Variants in LGSN observed in about 807,000 individuals in gnomAD.
LGSN encodes the protein lengsin.
Under a neutral mutation model 19.5 loss-of-function variants are expected in LGSN, and 21 were observed. The observed-to-expected ratio is 1.07, with a 90% CI of 0.76 to 1.55. LGSN has a LOEUF of 1.55. Ranked by LOEUF, LGSN falls within the 40% of genes most tolerant of loss-of-function variation. The pLI is 0.00. For missense variants in LGSN, 673 were observed against 608.5 expected, an observed-to-expected ratio of 1.11 and a Z score of -1.12; for synonymous variants, 257 against 215.6, an observed-to-expected ratio of 1.19 and a Z score of -1.68.
At chr6:63,569,069 C>T in the LGSN span, among the ~76,000 whole-genome samples, 8 of 152,148 alleles carry the variant, frequency 5.3e-5, no homozygotes, top group Admixed American at 5.2e-4. Flanking sequence ...CTTGTAGCCC[C>T]AACCAATCTG....
the LGSN span, among the ~76,000 whole-genome samples, chr6:63,424,363 C>T: frequency 1.1e-4 from 16 of 152,088 alleles, no homozygotes; most frequent in East Asian, 3.1e-3. Context: ...AATCTCCAGG[C>T]CTAGATATTT....
chr6:63,289,138 C>T (rs1390237723), intron 2 of LGSN, among the ~76,000 whole-genome samples: 1 of 152,166 alleles, frequency 6.6e-6, no homozygotes, highest in East Asian at 1.9e-4. Flanking sequence ...GCAGTATAGG[C>T]ATCTCATAGT....
chr6:63,327,641 T>G, the LGSN span, among the ~76,000 whole-genome samples: 2 of 152,054 alleles, frequency 1.3e-5, no homozygotes, highest in Admixed American at 6.5e-5. Flanking sequence ...CAGATATGGG[T>G]TGAAGATCCA....
chr6:63,501,406 CT>C, the LGSN span, among the ~76,000 whole-genome samples: 1 of 151,900 alleles, frequency 6.6e-6, no homozygotes, highest in African/African-American at 2.4e-5. Flanking sequence ...GTCACTACCC[CT>C]TGCCTTTTCT....
chr6:63,335,609 C>T, the LGSN span, among the ~76,000 whole-genome samples: 9 of 152,272 alleles, frequency 5.9e-5, no homozygotes, highest in East Asian at 1.7e-3. Flanking sequence ...ATCAAAATCA[C>T]ATGAGATGTC....
chr6:63,333,175 T>C, the LGSN span, among the ~76,000 whole-genome samples: 3 of 152,062 alleles, frequency 2.0e-5, no homozygotes, highest in Non-Finnish European at 4.4e-5. Context: ...TTCTCTTATC[T>C]GGCCCCACCT....
chr6:63,393,419 T>C, the LGSN span, among the ~76,000 whole-genome samples: 1 of 151,700 alleles, frequency 6.6e-6, no homozygotes, highest in African/African-American at 2.4e-5. Flanking sequence ...CCTCAAGTGA[T>C]CTACCCACCT....
the LGSN span, among the ~76,000 whole-genome samples, chr6:63,399,794 C>G: frequency 6.6e-6 from 1 of 152,076 alleles, no homozygotes; most frequent in African/African-American, 2.4e-5. Flanking sequence ...TTCCTGAGCT[C>G]AAGGAATCCT....
At chr6:63,369,263 T>C in the LGSN span, among the ~76,000 whole-genome samples, 1 of 152,236 alleles carries the variant, frequency 6.6e-6, no homozygotes, top group Admixed American at 6.5e-5. Flanking sequence ...ATGTCCATTA[T>C]GACTAATAAA....
At chr6:63,344,880 A>G in the LGSN span, among the ~76,000 whole-genome samples, 3 of 152,220 alleles carry the variant, frequency 2.0e-5, no homozygotes, top group African/African-American at 7.2e-5. Context: ...AGCACACATA[A>G]TACTGTAAAC....
chr6:63,532,235 T>C, the LGSN span, among the ~76,000 whole-genome samples: 2 of 152,374 alleles, frequency 1.3e-5, no homozygotes, highest in African/African-American at 4.8e-5. Context: ...AACTTTCTTC[T>C]AGTGTCACAA....
At chr6:63,380,951 C>T in the LGSN span, among the ~76,000 whole-genome samples, 22 of 152,142 alleles carry the variant, frequency 1.4e-4, no homozygotes, top group African/African-American at 5.3e-4. Flanking sequence ...AATCCCAGCA[C>T]TTTGAGAGGC....
At chr6:63,550,792 T>C in the LGSN span, among the ~76,000 whole-genome samples, 1 of 152,032 alleles carries the variant, frequency 6.6e-6, no homozygotes, top group Non-Finnish European at 1.5e-5. Flanking sequence ...GCCCGTCTAA[T>C]TTTTGTGTTT....
the LGSN span, among the ~76,000 whole-genome samples, chr6:63,430,106 G>A: frequency 2.0e-5 from 3 of 152,260 alleles, no homozygotes; most frequent in East Asian, 3.9e-4. Context: ...AACAAGAGAT[G>A]TGAAAAAAGA....
chr6:63,346,174 C>A, the LGSN span, among the ~76,000 whole-genome samples: 5 of 151,664 alleles, frequency 3.3e-5, no homozygotes, highest in African/African-American at 1.2e-4. Context: ...CTCCCAATCC[C>A]TTGAAATTTC....
the LGSN span, chr6:63,392,469 C>G: frequency 6.6e-6 from 1 of 152,390 alleles, no homozygotes; most frequent in Admixed American, 6.5e-5. Context: ...CACCCTACTC[C>G]TGGCTGTGGG....
the LGSN span, among the ~76,000 whole-genome samples, chr6:63,450,613 CAT>C: frequency 1.3e-5 from 2 of 148,666 alleles, no homozygotes; most frequent in East Asian, 3.9e-4. Context: ...TATCTATGAA[CAT>C]AAAGGTAAAT....
chr6:63,521,435 T>C, the LGSN span, among the ~76,000 whole-genome samples: 1 of 152,202 alleles, frequency 6.6e-6, no homozygotes, highest in Non-Finnish European at 1.5e-5. Flanking sequence ...AAAGAGGCAG[T>C]ATCCTTCCAT....
the LGSN span, among the ~76,000 whole-genome samples, chr6:63,541,331 G>A: frequency 1.3e-4 from 19 of 151,978 alleles, no homozygotes; most frequent in Admixed American, 1.1e-3. Flanking sequence ...AAGGCGGGTG[G>A]ATCATGAGGT....
Sources: gnomAD v4.1 joint callset for allele counts (sites outside exome capture counted in the v4.1 genomes callset) on GRCh38, gnomAD v4.1.1 for gene constraint, MANE v1.5 for transcripts, NCBI Gene and HGNC (gene_info 2026-07-23, HGNC 2026-07-21) for gene names.